UQCC2: variants seen among roughly 807,000 people sequenced by gnomAD.
The protein encoded by UQCC2 is ubiquinol-cytochrome c reductase complex assembly factor 2, also known as breast cancer-associated protein SGA-81M.
A neutral mutation model predicts 19.9 loss-of-function variants in UQCC2; 21 were observed. That is an observed-to-expected ratio of 1.05 (90% CI 0.75 to 1.52). The LOEUF (loss-of-function observed/expected upper bound fraction) is 1.52. Among genes scored for constraint, UQCC2 ranks in the 40% most tolerant of loss-of-function variants. The pLI, the probability that UQCC2 is intolerant of heterozygous loss-of-function variation, is 0.00. For synonymous variants in UQCC2, 57 were observed against 60.9 expected (o/e 0.94, Z 0.30); for missense variants, 135 against 157.5 (o/e 0.86, Z 0.76).
At chr6:33,699,780 G>A (rs969019151) in intron 3 of UQCC2, among the ~76,000 whole-genome samples, 1 of 152,194 alleles carries the variant, frequency 6.6e-6, no homozygotes, top group African/African-American at 2.4e-5. Flanking sequence ...AAATGTGTCA[G>A]GGCCATGCCC....
At chr6:33,705,465 G>A (rs530576743) in intron 1 of UQCC2, among the ~76,000 whole-genome samples, 10 of 152,280 alleles carry the variant, frequency 6.6e-5, no homozygotes, top group African/African-American at 2.2e-4. Context: ...CCAGTTTCCC[G>A]TCTGAGGTCA....
At chr6:33,710,440 C>T (rs1008888984) in intron 1 of UQCC2, among the ~76,000 whole-genome samples, 3 of 152,206 alleles carry the variant, frequency 2.0e-5, no homozygotes, top group Admixed American at 6.5e-5. Flanking sequence ...TTAGCAAACT[C>T]CACCTTACTT....
In UQCC2 at chr6:33,711,504, C is replaced by T. The variant is rs757944735; in HGVS notation, c.138+45G>A. ...GCGCGCTCGTTGGCCCCGCCCCTGC[C>T]TCGTCCTTTCCTCCCCTCGTCCCAG... On this transcript the variant is annotated intron_variant, in intron 1 of 3. Transcript: ENST00000607484. 13 of 1,562,204 alleles carry T rather than the reference C, an allele frequency of 8.3e-6. No individual in the cohort carries two copies. The East Asian group carries it at 1.6e-4, about 19-fold the overall frequency.
chr6:33,710,286 C>G (rs903108479), intron 1 of UQCC2, among the ~76,000 whole-genome samples: 13 of 152,116 alleles, frequency 8.5e-5, no homozygotes, highest in African/African-American at 3.1e-4. Context: ...CCACATACAA[C>G]CAGAATAGTC....
At chr6:33,700,969 G>T (rs1765632804) in intron 2 of UQCC2, among the ~76,000 whole-genome samples, 1 of 152,208 alleles carries the variant, frequency 6.6e-6, no homozygotes, top group South Asian at 2.1e-4. Context: ...TCCGTAAAAG[G>T]AGGGCACTTT....
intron 1 of UQCC2, among the ~76,000 whole-genome samples, chr6:33,709,222 T>C (rs542032705): frequency 9.8e-5 from 15 of 152,362 alleles, no homozygotes; most frequent in Non-Finnish European, 1.8e-4. Context: ...CCTTCCTCCA[T>C]AGATCCTGCA....
intron 1 of UQCC2, among the ~76,000 whole-genome samples, chr6:33,704,084 C>T (rs377697552): frequency 6.3e-4 from 96 of 152,254 alleles, no homozygotes; most frequent in African/African-American, 2.0e-3. Flanking sequence ...AATGAGGTGA[C>T]GCTTGGGCTG....
At chr6:33,708,543 C>G (rs1765726882) in intron 1 of UQCC2, among the ~76,000 whole-genome samples, 1 of 152,188 alleles carries the variant, frequency 6.6e-6, no homozygotes, top group Non-Finnish European at 1.5e-5. Context: ...AGCCAAGAGG[C>G]TGAGAGGAGG....
Position 33,701,353 on chromosome 6 carries a change from T to G in UQCC2, c.206A>C (p.Lys69Thr). The change falls in exon 2 of 4, where the codon AAA (lysine) becomes ACA (threonine). Residue 69 changes from lysine (K) to threonine (T), a missense_variant. Transcript: ENST00000607484. ...SLARLHSNYY[K>T]HKYPRPRDTS... ...AGACTGTGGCCCACTCACCTTGTGT[T>G]TGTAGTAGTTTGAATGGAGTCGCGC... 1 of 1,613,008 alleles carries G rather than the reference T, an allele frequency of 6.2e-7. No homozygotes were observed. The highest frequency in any genetic ancestry group is 8.5e-7 in the Non-Finnish European group (1 of 1,179,570).
chr6:33,711,472 C>A, intron 1 of UQCC2, 77 bp downstream of exon 1: 6 of 1,503,276 alleles, frequency 4.0e-6, no homozygotes, highest in Non-Finnish European at 5.3e-6. Flanking sequence ...CGCAGATCCC[C>A]CTGCTAGCGC....
At chr6:33,703,633 TA>T (rs11317245) in intron 1 of UQCC2, among the ~76,000 whole-genome samples, 119,624 of 148,994 alleles carry the variant, frequency 0.8, 49,200 homozygotes, top group East Asian at 0.99. Flanking sequence ...GAAATACACT[TA>T]AAAAAAAAAA....
At chr6:33,708,482 G>A (rs1417361207) in intron 1 of UQCC2, among the ~76,000 whole-genome samples, 2 of 152,146 alleles carry the variant, frequency 1.3e-5, no homozygotes, top group African/African-American at 4.8e-5. Context: ...ATGAGATCAC[G>A]CCGGCAAAGG....
chr6:33,703,446 A>G (rs546599141), intron 1 of UQCC2, among the ~76,000 whole-genome samples: 2 of 152,262 alleles, frequency 1.3e-5, no homozygotes, highest in South Asian at 4.1e-4. Context: ...TTATAAATTT[A>G]ACAGACATTC....
chr6:33,704,208 G>GA (rs1202976037), intron 1 of UQCC2, among the ~76,000 whole-genome samples: 2 of 152,208 alleles, frequency 1.3e-5, no homozygotes, highest in Non-Finnish European at 2.9e-5. Context: ...AATAAGAGGG[G>GA]AAAGGACAGA....
rs976772638 is a variant in UQCC2, at chr6:33,696,795, T to C, written c.*858A>G. 2.6e-5 allele frequency: 4 copies of C among 152,388 alleles called. No homozygotes were observed. Among genetic ancestry groups the C allele is most frequent in the South Asian group, 2.1e-4 (1 of 4,832 alleles). 9.4% of individuals were successfully genotyped at this position (152,388 alleles called of 1,614,324 possible). On this transcript the variant is annotated 3_prime_UTR_variant, in exon 4 of 4. Transcript: ENST00000607484. The stretch of plus-strand genomic sequence containing the variant: ...CGGCAGTCCTGTCGATTTTATTTTA[T>C]GCATTTCAGAACATCCTGAGGAGTC...
intron 1 of UQCC2, among the ~76,000 whole-genome samples, chr6:33,706,801 T>C (rs919476256): frequency 6.6e-5 from 10 of 152,228 alleles, no homozygotes; most frequent in Non-Finnish European, 1.0e-4. Context: ...TTGGGTTTTT[T>C]GCGGTTGTAG....
intron 1 of UQCC2, among the ~76,000 whole-genome samples, chr6:33,706,902 G>A (rs1291092270): frequency 1.3e-5 from 2 of 152,206 alleles, no homozygotes; most frequent in Non-Finnish European, 2.9e-5. Context: ...AGACACCCTT[G>A]CTGAGCCTGG....
Position 33,708,582 on chromosome 6 carries a change from G to A in UQCC2, c.138+2967C>T, listed in dbSNP as rs114354959. 5.7e-3 allele frequency among the ~76,000 whole-genome samples: 868 copies of A among 152,258 alleles called. 14 individuals are homozygous for A. The highest frequency in any genetic ancestry group is 0.02 in the African/African-American group (814 of 41,540). On this transcript the variant is annotated intron_variant, in intron 1 of 3. Coordinates refer to ENST00000607484, the MANE Select transcript of UQCC2 (RefSeq NM_032340.4). Reference sequence around the variant, plus strand: ...GACTGCCTCTCTCCTCTACGGAAATGGAAAGACGGCATGAGCAGAGCTACT... The same window carrying A: ...GACTGCCTCTCTCCTCTACGGAAATAGAAAGACGGCATGAGCAGAGCTACT...
chr6:33,707,748 C>T (rs897890644), intron 1 of UQCC2, among the ~76,000 whole-genome samples: 1 of 152,178 alleles, frequency 6.6e-6, no homozygotes, highest in African/African-American at 2.4e-5. Flanking sequence ...GTTGTTAGGT[C>T]AACAATTACA....
Sources: allele counts gnomAD v4.1 joint callset (sites outside exome capture counted in the v4.1 genomes callset), GRCh38; gene constraint gnomAD v4.1.1; transcripts MANE v1.5; gene names NCBI Gene and HGNC (gene_info 2026-07-23, HGNC 2026-07-21).